SPHKAP: variants seen among roughly 807,000 people sequenced by gnomAD.
SPHKAP encodes A-kinase anchor protein SPHKAP.
A neutral mutation model predicts 137.5 loss-of-function variants in SPHKAP; 67 were observed. The ratio of observed to expected loss-of-function variants is 0.49; its 90% CI spans 0.40 to 0.60. SPHKAP has a LOEUF of 0.60. SPHKAP is among the 20% of genes least tolerant of loss of function. The probability of loss-of-function intolerance (pLI) is 0.00; values close to 1 mark genes in which losing one functional copy is unlikely to be tolerated. For missense variants in SPHKAP, 2,097 were observed against 2,069.3 expected (o/e 1.01, Z -0.26); for synonymous variants, 813 against 785.3 (o/e 1.04, Z -0.59).
At chr2:228,024,346 T>TG (rs1210839255) in intron 5 of SPHKAP, among the ~76,000 whole-genome samples, 8 of 123,394 alleles carry the variant, frequency 6.5e-5, no homozygotes, top group Non-Finnish European at 1.2e-4. Flanking sequence ...GAGGCAGTTT[T>TG]TTTTTTTTTT....
rs139455126 is a variant in SPHKAP, at chr2:228,016,741, C to T, written c.4113G>A (p.Pro1371=). The part of the protein sequence containing the change: ...TLLVQESLDC[P]RKDSVTECKQ... ...TACATTCGGTAACAGAGTCTTTCCTCGGGCAATCGAGAGACTCCTGAACAA... is the reference window on the plus strand; with the variant it reads ...TACATTCGGTAACAGAGTCTTTCCTTGGGCAATCGAGAGACTCCTGAACAA... Residue 1371 remains proline, a synonymous_variant, in exon 7 of 12, where the codon CCG becomes CCA. Coordinates refer to ENST00000392056, the MANE Select transcript of SPHKAP (RefSeq NM_001142644.2). The T allele has an allele frequency of 5.0e-3, 8,082 of 1,614,042 alleles. 35 individuals carry two copies. Among genetic ancestry groups the T allele is most frequent in the Non-Finnish European group, 5.5e-3 (6,521 of 1,180,000 alleles).
chr2:228,082,080 A>G (rs1697381326), intron 3 of SPHKAP, among the ~76,000 whole-genome samples: 1 of 152,226 alleles, frequency 6.6e-6, no homozygotes, highest in African/African-American at 2.4e-5. Context: ...TTATTTACCA[A>G]TTTAAAAAAC....
chr2:228,001,538 A>T (rs545070384), intron 7 of SPHKAP, among the ~76,000 whole-genome samples: 17 of 144,998 alleles, frequency 1.2e-4, no homozygotes, highest in African/African-American at 2.5e-4. Context: ...CATATATATA[A>T]AAATATACAT....
chr2:227,984,299 CAA>C (rs61461358), intron 11 of SPHKAP, among the ~76,000 whole-genome samples: 12 of 52,832 alleles, frequency 2.3e-4, no homozygotes, highest in Admixed American at 4.2e-4. Flanking sequence ...GACTCCATCT[CAA>C]AAAAAAAAAA....
At position 228,027,563 on chromosome 2, in the gene SPHKAP, A is replaced by G; in HGVS notation, c.247-20T>C. ...GCAGACCTGGGAAAAGAGGGCAAAA[A>G]TAGTACGTTAAAGTCAAAAACCTGA... On this transcript the variant is annotated intron_variant, in intron 3 of 11. Coordinates refer to ENST00000392056, the MANE Select transcript of SPHKAP (RefSeq NM_001142644.2). The G allele has an allele frequency of 1.2e-6, 2 of 1,613,096 alleles. No homozygotes were observed. The highest frequency in any genetic ancestry group is 1.7e-6 in the Non-Finnish European group (2 of 1,179,530).
rs377542854 is a variant in SPHKAP, at chr2:228,018,119, G to A, written c.2735C>T (p.Ala912Val). Residue 912 changes from alanine (A) to valine (V), a missense_variant, in exon 7 of 12, where the codon GCT becomes GTT. Ala to Val is a moderately conservative substitution (Grantham distance 64). Transcript: ENST00000392056. ...ATGCTTTGTTTGAAGCGTGGATTGA[G>A]CAGGAAGCAGCAGGTCATCCCCTAA... ...SLLGDDLLLP[A>V]QSTLQTKHPD... The A allele has an allele frequency of 2.5e-6, 4 of 1,614,054 alleles. No individual in the cohort carries two copies. The highest frequency in any genetic ancestry group is 3.4e-6 in the Non-Finnish European group (4 of 1,180,046).
At chr2:228,170,609 T>C (rs766414755) in intron 1 of SPHKAP, among the ~76,000 whole-genome samples, 1 of 152,126 alleles carries the variant, frequency 6.6e-6, no homozygotes. Flanking sequence ...AAGGTTCAGA[T>C]GATCATTACC....
intron 1 of SPHKAP, chr2:228,173,079 G>A (rs1574919088): frequency 2.0e-6 from 2 of 985,248 alleles, no homozygotes; most frequent in East Asian, 1.1e-4. Flanking sequence ...CTGGTTTTAT[G>A]TTCTTGAATA....
intron 1 of SPHKAP, 40 bp from the exon 2 acceptor site, chr2:228,132,125 T>C (rs772386844): frequency 6.8e-7 from 1 of 1,476,196 alleles, no homozygotes; most frequent in South Asian, 1.1e-5. Context: ...TTCCAGTGAG[T>C]CATATCTATA....
chr2:228,043,605 G>C (rs1378218726), intron 3 of SPHKAP, among the ~76,000 whole-genome samples: 1 of 152,210 alleles, frequency 6.6e-6, no homozygotes, highest in African/African-American at 2.4e-5. Context: ...GGGATTACGG[G>C]TGTGAGCCAC....
chr2:228,142,537 T>C (rs1699638928), intron 1 of SPHKAP, among the ~76,000 whole-genome samples: 1 of 151,846 alleles, frequency 6.6e-6, no homozygotes, highest in African/African-American at 2.4e-5. Flanking sequence ...AATAAGATCA[T>C]GTTTTTTGTG....
At chr2:228,146,640 G>A (rs1192115337) in intron 1 of SPHKAP, among the ~76,000 whole-genome samples, 1 of 152,188 alleles carries the variant, frequency 6.6e-6, no homozygotes, top group African/African-American at 2.4e-5. Context: ...ACTGATAAGT[G>A]AGAACATGCA....
intron 4 of SPHKAP, among the ~76,000 whole-genome samples, chr2:228,026,970 T>C (rs753752394): frequency 1.5e-4 from 23 of 152,210 alleles, no homozygotes; most frequent in Non-Finnish European, 2.6e-4. Flanking sequence ...TTCTTCCCAT[T>C]GTATCAGCAG....
chr2:228,161,717 T>C (rs1318154240), intron 1 of SPHKAP, among the ~76,000 whole-genome samples: 13 of 151,726 alleles, frequency 8.6e-5, no homozygotes, highest in Non-Finnish European at 1.5e-4. Context: ...CAAAATAAAA[T>C]AAAATAAAAT....
intron 3 of SPHKAP, among the ~76,000 whole-genome samples, chr2:228,080,783 AAAACC>A (rs1254401776): frequency 4.1e-4 from 51 of 123,240 alleles, no homozygotes; most frequent in African/African-American, 1.4e-3. Flanking sequence ...AAAATAAAAT[AAAACC>A]AAACCACAAT....
intron 2 of SPHKAP, among the ~76,000 whole-genome samples, chr2:228,130,237 T>C (rs1699207850): frequency 6.6e-6 from 1 of 152,200 alleles, no homozygotes; most frequent in African/African-American, 2.4e-5. Flanking sequence ...TAACAGATCA[T>C]AAATCCCTAA....
intron 2 of SPHKAP, among the ~76,000 whole-genome samples, chr2:228,110,262 T>C (rs985190687): frequency 8.6e-5 from 13 of 151,982 alleles, no homozygotes; most frequent in Non-Finnish European, 1.8e-4. Flanking sequence ...TGACACATTT[T>C]AGATGAGTAA....
At chr2:227,997,538 TAATA>T (rs995969744) in intron 7 of SPHKAP, among the ~76,000 whole-genome samples, 36 of 152,360 alleles carry the variant, frequency 2.4e-4, no homozygotes, top group African/African-American at 7.7e-4. Flanking sequence ...TCTTCTTTAT[TAATA>T]AATTATATAA....
intron 1 of SPHKAP, among the ~76,000 whole-genome samples, chr2:228,174,854 A>G (rs957017910): frequency 2.0e-5 from 3 of 152,204 alleles, no homozygotes; most frequent in African/African-American, 7.2e-5. Context: ...GCAGAGAGAT[A>G]AGAACTGTAA....
Sources: gnomAD v4.1 joint callset for allele counts (sites outside exome capture counted in the v4.1 genomes callset) on GRCh38, gnomAD v4.1.1 for gene constraint, MANE v1.5 for transcripts, NCBI Gene and HGNC (gene_info 2026-07-23, HGNC 2026-07-21) for gene names.